CTIF: variants seen among roughly 807,000 people sequenced by gnomAD.
CTIF encodes the protein CBP80/20-dependent translation initiation factor.
In CTIF, 21 loss-of-function variants were observed where a neutral mutation model predicts 66.0. The ratio of observed to expected loss-of-function variants is 0.32; its 90% confidence interval spans 0.23 to 0.46. The LOEUF is 0.46. Ranked by LOEUF, CTIF falls within the 20% of genes least tolerant of loss-of-function variation. The pLI is 1.00. For missense variants in CTIF, 739 were observed against 812.7 expected (o/e 0.91, Z 1.10); for synonymous variants, 345 against 326.4 (o/e 1.06, Z -0.62).
chr18:48,628,673 A>G (rs897504191), intron 2 of CTIF, among the ~76,000 whole-genome samples: 3 of 152,174 alleles, frequency 2.0e-5, no homozygotes, highest in Non-Finnish European at 4.4e-5. Context: ...GATTTGCCCA[A>G]GGTCATAGAG....
At position 48,558,478 on chromosome 18, in the gene CTIF, T is replaced by G. The variant is rs373789362; in HGVS notation, c.-29+19166T>G. The stretch of plus-strand genomic sequence containing the variant: ...CACTGGTAGAGTTTTGAATAATACA[T>G]GTTCAATTTCAGCCTAAGGCTACCT... On this transcript the variant is annotated intron_variant, in intron 1 of 11. Coordinates refer to ENST00000256413, the MANE Select transcript of CTIF (RefSeq NM_014772.3). Among the ~76,000 whole-genome samples the G allele has an allele frequency of 7.2e-5, 11 of 152,364 alleles. No individual in the cohort carries two copies. The East Asian group carries it at 1.2e-3, about 16-fold the overall frequency.
chr18:48,686,399 T>C (rs1235153006), intron 6 of CTIF, among the ~76,000 whole-genome samples: 2 of 152,228 alleles, frequency 1.3e-5, no homozygotes, highest in South Asian at 4.1e-4. Context: ...TGAGAACTTG[T>C]TCTGGGCTTA....
intron 7 of CTIF, among the ~76,000 whole-genome samples, chr18:48,744,668 A>G (rs1207106270): frequency 6.6e-6 from 1 of 152,188 alleles, no homozygotes; most frequent in Non-Finnish European, 1.5e-5. Flanking sequence ...CCACAATACA[A>G]TTCTCAAAAT....
At chr18:48,731,111 G>T (rs1482762910) in intron 7 of CTIF, among the ~76,000 whole-genome samples, 1 of 152,224 alleles carries the variant, frequency 6.6e-6, no homozygotes, top group Middle Eastern at 3.4e-3. Context: ...GCAGTGTGTG[G>T]CCCCTTTGGG....
chr18:48,615,797 C>T (rs1357209926), intron 1 of CTIF, among the ~76,000 whole-genome samples: 2 of 152,206 alleles, frequency 1.3e-5, no homozygotes, highest in African/African-American at 2.4e-5. Context: ...TGAGGTGAGG[C>T]GCCGCTGGGC....
intron 9 of CTIF, among the ~76,000 whole-genome samples, chr18:48,762,503 C>T (rs1330599336): frequency 5.9e-5 from 9 of 152,186 alleles, no homozygotes; most frequent in African/African-American, 2.2e-4. Flanking sequence ...ACATCAGGTC[C>T]TGGGACTGTC....
At position 48,859,570 on chromosome 18, in the gene CTIF, G is replaced by A. The variant is rs1349135137; in HGVS notation, c.*11G>A. 1 of 1,613,198 alleles carries A rather than the reference G, an allele frequency of 6.2e-7. No homozygotes were observed. The highest frequency in any genetic ancestry group is 8.5e-7 in the Non-Finnish European group (1 of 1,179,472). ...AAACTGACAGCCTGACAGCCAGGGG[G>A]CCTGGCAGGCGGCCCACGGGCAGCT... On this transcript the variant is annotated 3_prime_UTR_variant, in exon 12 of 12. Transcript: ENST00000256413.
intron 1 of CTIF, among the ~76,000 whole-genome samples, chr18:48,552,968 CCT>C (rs2088919971): frequency 6.6e-6 from 1 of 152,152 alleles, no homozygotes; most frequent in South Asian, 2.1e-4. Context: ...AGTCTCTGAT[CCT>C]CTCATTCTGA....
intron 9 of CTIF, among the ~76,000 whole-genome samples, chr18:48,764,634 A>T (rs1909344578): frequency 6.6e-6 from 1 of 152,178 alleles, no homozygotes; most frequent in Non-Finnish European, 1.5e-5. Context: ...CATGGCTCAC[A>T]TTCTGAGGTT....
At chr18:48,813,524 A>T (rs553290116) in intron 9 of CTIF, among the ~76,000 whole-genome samples, 25 of 152,370 alleles carry the variant, frequency 1.6e-4, no homozygotes, top group East Asian at 1.2e-3. Context: ...TGTGCGCATC[A>T]GCCTTGGACT....
intron 7 of CTIF, among the ~76,000 whole-genome samples, chr18:48,733,333 G>A (rs1415574871): frequency 2.0e-5 from 3 of 152,322 alleles, no homozygotes; most frequent in East Asian, 3.9e-4. Context: ...GCCCCTGCCT[G>A]TCTCTTCTGG....
At chr18:48,728,578 A>C (rs1265204298) in intron 7 of CTIF, among the ~76,000 whole-genome samples, 1 of 152,092 alleles carries the variant, frequency 6.6e-6, no homozygotes, top group Non-Finnish European at 1.5e-5. Flanking sequence ...CTTGACTCAG[A>C]TGGGACTGGA....
chr18:48,809,381 G>A (rs530566953), intron 9 of CTIF, among the ~76,000 whole-genome samples: 1 of 152,238 alleles, frequency 6.6e-6, no homozygotes, highest in African/African-American at 2.4e-5. Flanking sequence ...GCCTATTGAA[G>A]TAATACATTA....
At chr18:48,809,893 G>T (rs1453735296) in intron 9 of CTIF, among the ~76,000 whole-genome samples, 9 of 149,570 alleles carry the variant, frequency 6.0e-5, no homozygotes, top group Non-Finnish European at 1.0e-4. Context: ...TTTTATTTCT[G>T]TTTCTTCTTT....
intron 1 of CTIF, among the ~76,000 whole-genome samples, chr18:48,615,778 C>G (rs1284426977): frequency 6.6e-6 from 1 of 152,172 alleles, no homozygotes; most frequent in Admixed American, 6.5e-5. Context: ...CAGGAGACCC[C>G]GGGGCAGCTG....
intron 3 of CTIF, among the ~76,000 whole-genome samples, chr18:48,652,182 A>G (rs537078560): frequency 6.6e-6 from 1 of 152,326 alleles, no homozygotes; most frequent in East Asian, 1.9e-4. Flanking sequence ...TCAAAAAATC[A>G]ATGAATCCAG....
At chr18:48,560,890 C>A (rs902670838) in intron 1 of CTIF, among the ~76,000 whole-genome samples, 29 of 152,292 alleles carry the variant, frequency 1.9e-4, no homozygotes, top group African/African-American at 6.7e-4. Context: ...TTATTACAGA[C>A]CTTCCCTGAG....
chr18:48,734,525 C>T (rs575169882), intron 7 of CTIF, among the ~76,000 whole-genome samples: 1 of 152,194 alleles, frequency 6.6e-6, no homozygotes. Flanking sequence ...AAGATTGCAC[C>T]ACTGCACTCT....
intron 10 of CTIF, among the ~76,000 whole-genome samples, chr18:48,853,217 C>T (rs770860720): frequency 3.9e-5 from 6 of 152,068 alleles, no homozygotes; most frequent in Non-Finnish European, 5.9e-5. Context: ...AGCGGGGAGA[C>T]GGGCAATAGG....
Sources: allele counts gnomAD v4.1 joint callset (sites outside exome capture counted in the v4.1 genomes callset), GRCh38; gene constraint gnomAD v4.1.1; transcripts MANE v1.5; gene names NCBI Gene and HGNC (gene_info 2026-07-23, HGNC 2026-07-21).